MAP4K2: variants seen among roughly 807,000 people sequenced by gnomAD.
The protein encoded by MAP4K2 is mitogen-activated protein kinase kinase kinase kinase 2, also known as B lymphocyte serine/threonine protein kinase.
MAP4K2 carries 85 observed loss-of-function variants against 125.3 expected under a neutral mutation model. The observed-to-expected ratio is 0.68, with a 90% CI of 0.57 to 0.81. The LOEUF (loss-of-function observed/expected upper bound fraction) is 0.81, where lower values mean the gene tolerates loss of function less well. MAP4K2 is among the 40% of genes least tolerant of loss of function. The pLI, the probability that MAP4K2 is intolerant of heterozygous loss-of-function variation, is 0.00. For missense variants in MAP4K2, 923 were observed against 1,056.4 expected (o/e 0.87, Z 1.75); for synonymous variants, 479 against 445.1 (o/e 1.08, Z -0.96).
intron 27 of MAP4K2, among the ~76,000 whole-genome samples, chr11:64,791,665 C>T (rs561760916): frequency 5.9e-5 from 9 of 152,354 alleles, no homozygotes; most frequent in Admixed American, 5.2e-4. Context: ...GCCACTGTGC[C>T]CGGCCTGGCC....
At chr11:64,801,054 G>A in intron 8 of MAP4K2, 23 bp from the exon 9 acceptor site, 1 of 1,613,784 alleles carries the variant, frequency 6.2e-7, no homozygotes. Flanking sequence ...TCACAGATGG[G>A]ATGGCCGGGT....
Position 64,791,764 on chromosome 11 carries a change from C to T in MAP4K2, c.2092+145G>A, listed in dbSNP as rs115508535. 2.5e-3 allele frequency: 2,029 copies of T among 823,496 alleles called. 29 individuals carry two copies. The African/African-American group carries it at 0.032, about 13-fold the overall frequency. The allele number at this position is 823,496 out of a possible 1,614,324, so 51.0% of individuals were successfully genotyped here. Reference sequence around the variant, plus strand: ...CTTGTTGAAGGGAGGCTGTGGGCCCCAGACCCCACATGGCAGCCCTCAAGG... The same window carrying T: ...CTTGTTGAAGGGAGGCTGTGGGCCCTAGACCCCACATGGCAGCCCTCAAGG... On this transcript the variant is annotated intron_variant, in intron 27 of 31. Coordinates refer to ENST00000294066, the MANE Select transcript of MAP4K2 (RefSeq NM_004579.5).
rs1407374562 is a variant in MAP4K2 at position 64,803,181 on chromosome 11, G to GGGCGCGAGCTGCGGAGCC, written c.-50_-33dup. 2 of 1,058,736 alleles carry GGGCGCGAGCTGCGGAGCC rather than the reference G, an allele frequency of 1.9e-6. No individual in the cohort carries two copies. The highest frequency in any genetic ancestry group is 5.0e-5 in the East Asian group (1 of 19,970). 65.6% of individuals were successfully genotyped at this position (1,058,736 alleles called of 1,614,324 possible). A position where few individuals can be genotyped will look rare whatever the true frequency, so the allele number is the denominator to read the frequency against. On this transcript the variant is annotated 5_prime_UTR_variant, in exon 1 of 32. Coordinates refer to ENST00000294066, the MANE Select transcript of MAP4K2 (RefSeq NM_004579.5). Reference sequence around the variant, plus strand: ...GCGCCGGGCGGGCCGGCAGGCGGGCGGGCGCGAGCTGCGGAGCCGGCGCGG... The same window carrying GGGCGCGAGCTGCGGAGCC: ...GCGCCGGGCGGGCCGGCAGGCGGGCGGGCGCGAGCTGCGGAGCCGGCGCGAGCTGCGGAGCCGGCGCGG...
chr11:64,791,847 C>T, intron 27 of MAP4K2, 62 bp downstream of exon 27: 1 of 1,444,188 alleles, frequency 6.9e-7, no homozygotes, highest in Non-Finnish European at 9.2e-7. Context: ...CCCTCCCTGC[C>T]TCCCTCCCTC....
chr11:64,794,719 C>A (rs986676915), intron 24 of MAP4K2, among the ~76,000 whole-genome samples: 1 of 152,100 alleles, frequency 6.6e-6, no homozygotes, highest in African/African-American at 2.4e-5. Flanking sequence ...CACATACTAA[C>A]ATATACTTGC....
At chr11:64,801,901 T>G (rs556320288) in intron 5 of MAP4K2, 144 bp from the exon 6 acceptor site, 22 of 1,136,402 alleles carry the variant, frequency 1.9e-5, no homozygotes, top group Non-Finnish European at 2.7e-5. Flanking sequence ...AAGAGGGAAA[T>G]GGACTGCTTC....
At position 64,802,877 on chromosome 11, in the gene MAP4K2, G is replaced by C. The variant is rs563452567; in HGVS notation, c.154+8C>G. On this transcript the variant is annotated splice_region_variant and intron_variant, in intron 2 of 31. Coordinates refer to ENST00000294066, the MANE Select transcript of MAP4K2 (RefSeq NM_004579.5). ...CCTCTGGCGCAGAGGCCCGACCCGG[G>C]CCCTCACCTGGGTCTAGCTTGACTA... The C allele has an allele frequency of 5.6e-6, 9 of 1,598,450 alleles. No homozygotes were observed. In the South Asian group the frequency reaches 1.0e-4, roughly 18 times the overall value.
intron 12 of MAP4K2, among the ~76,000 whole-genome samples, 187 bp downstream of exon 12, chr11:64,799,922 G>A (rs1022102909): frequency 3.9e-5 from 6 of 152,230 alleles, no homozygotes; most frequent in Non-Finnish European, 8.8e-5. Context: ...CTCAAGGGCA[G>A]GGACCTATCA....
At position 64,802,972 on chromosome 11, in the gene MAP4K2, G is replaced by T. The variant is rs761160571; in HGVS notation, c.97-30C>A. ...AGGGGCGGAGGGTGAAGCGGGATGG[G>T]GGGCGGGGCCGGGGGCTAGATCCTG... is the stretch of plus-strand genomic sequence containing the variant. On this transcript the variant is annotated intron_variant, in intron 1 of 31. Transcript: ENST00000294066. 16 of 1,559,806 alleles carry T rather than the reference G, an allele frequency of 1.0e-5. No individual in the cohort carries two copies. The East Asian group carries it at 3.6e-4, about 35-fold the overall frequency.
rs1047816018 is a variant in MAP4K2, at chr11:64,797,010, T to C, written c.1379A>G (p.His460Arg). 1.2e-6 allele frequency: 2 copies of C among 1,613,896 alleles called. No homozygotes were observed. Among genetic ancestry groups the C allele is most frequent in the African/African-American group, 1.3e-5 (1 of 75,014 alleles). ...QREDPERSSC[H>R]GLPPTPKVHM... is the part of the protein sequence containing the mutation. ...CACCTTGGGAGTTGGGGGGAGCCCG[T>C]GGCAGGATGACCTCTGGGAGGGAGG... is the stretch of plus-strand genomic sequence containing the variant. The change falls in exon 20 of 32, where the codon CAC becomes CGC. Residue 460 changes from histidine (H) to arginine (R), a missense_variant. Physicochemically the swap from His to Arg is conservative, Grantham distance 29. Transcript: ENST00000294066.
At chr11:64,797,229 C>T (rs1348470845) in intron 18 of MAP4K2, 37 bp from the exon 19 acceptor site, 13 of 1,606,270 alleles carry the variant, frequency 8.1e-6, no homozygotes, top group South Asian at 3.3e-5. Context: ...CCTGCTGTAG[C>T]CCCCACCCTG....
intron 24 of MAP4K2, among the ~76,000 whole-genome samples, chr11:64,794,689 A>G (rs758718978): frequency 1.3e-5 from 2 of 151,972 alleles, no homozygotes; most frequent in African/African-American, 2.4e-5. Context: ...TCCCCAGCTC[A>G]CCAGGCTGCT....
rs531938938 is a variant in MAP4K2, at chr11:64,789,714, G to A, written c.2375+16C>T. 2.5e-6 allele frequency: 4 copies of A among 1,614,030 alleles called. No individual in the cohort carries two copies. Among genetic ancestry groups the A allele is most frequent in the Admixed American group, 3.3e-5 (2 of 60,022 alleles). ...TCAGGGGCATCTGAAGGGGAGGCTA[G>A]GGTACCACCGCCTACCTGTGGGCCC... On this transcript the variant is annotated intron_variant, in intron 31 of 31. Transcript: ENST00000294066.
intron 15 of MAP4K2, 110 bp from the exon 16 acceptor site, chr11:64,797,774 C>T (rs1457487799): frequency 7.7e-5 from 81 of 1,054,606 alleles, no homozygotes; most frequent in Non-Finnish European, 9.1e-5. Flanking sequence ...GGCGCAATCG[C>T]GGCTCACTGC....
At chr11:64,789,848 C>T (rs565609247) in intron 30 of MAP4K2, 41 bp downstream of exon 30, 1 of 1,614,054 alleles carries the variant, frequency 6.2e-7, no homozygotes, top group Non-Finnish European at 8.5e-7. Flanking sequence ...GAGGTAGGGA[C>T]CACAAGGCAG....
intron 23 of MAP4K2, 21 bp downstream of exon 23, chr11:64,796,472 C>T (rs1237870246): frequency 6.2e-7 from 1 of 1,613,844 alleles, no homozygotes; most frequent in South Asian, 1.1e-5. Flanking sequence ...ACCCTGCCTC[C>T]CTGCCCATCC....
At chr11:64,789,824 A>G (rs1323972354) in intron 30 of MAP4K2, 39 bp from the exon 31 acceptor site, 1 of 1,613,904 alleles carries the variant, frequency 6.2e-7, no homozygotes. Flanking sequence ...CCACTCCAGT[A>G]GGTCCTTTCC....
In MAP4K2 at chr11:64,800,816, G is replaced by T. The variant is rs755144656; in HGVS notation, c.673C>A (p.Leu225Ile). ...FHLHPMRALM[L>I]MSKSSFQPPK... ...GGCTGGAAGCTGCTCTTCGACATGAGCATCAGGGCCCTGTGGAGGGCGCGA... is the reference window on the plus strand; with the variant it reads ...GGCTGGAAGCTGCTCTTCGACATGATCATCAGGGCCCTGTGGAGGGCGCGA... The change falls in exon 10 of 32, where the codon CTC (leucine) becomes ATC (isoleucine). Residue 225 changes from leucine (L) to isoleucine (I), a missense_variant. Physicochemically the swap from Leu to Ile is conservative, Grantham distance 5. Around this residue, in one of 2 missense-constraint regions of MAP4K2, gnomAD observed 833 missense variants for 911.4 expected, o/e 0.91. Coordinates refer to ENST00000294066, the MANE Select transcript of MAP4K2 (RefSeq NM_004579.5). 6.2e-7 allele frequency: 1 copy of T among 1,612,454 alleles called. No individual in the cohort carries two copies. The highest frequency in any genetic ancestry group is 1.1e-5 in the South Asian group (1 of 90,900).
intron 27 of MAP4K2, among the ~76,000 whole-genome samples, chr11:64,791,442 C>T (rs1217533428): frequency 3.9e-5 from 6 of 152,306 alleles, no homozygotes; most frequent in South Asian, 2.1e-4. Context: ...AGTGCAGTGG[C>T]GCGAACATGG....
Sources: gnomAD v4.1 joint callset for allele counts (sites outside exome capture counted in the v4.1 genomes callset) on GRCh38, gnomAD v4.1.1 for gene constraint, gnomAD v4.1.1 regional missense constraint, MANE v1.5 for transcripts, NCBI Gene and HGNC (gene_info 2026-07-23, HGNC 2026-07-21) for gene names.